Variants in SMCO2 observed in about 807,000 individuals in gnomAD.
The protein encoded by SMCO2 is single-pass membrane and coiled-coil domain-containing protein 2.
Under a neutral mutation model 29.5 loss-of-function variants are expected in SMCO2, and 25 were observed. That is an observed-to-expected ratio of 0.85 (90% CI 0.62 to 1.18). The LOEUF (loss-of-function observed/expected upper bound fraction) is 1.18. SMCO2 is among the 50% of genes most tolerant of loss of function. The pLI, the probability that SMCO2 is intolerant of heterozygous loss-of-function variation, is 0.00. For missense variants in SMCO2, 348 were observed against 344.5 expected (o/e 1.01, Z -0.08); for synonymous variants, 117 against 123.3 (o/e 0.95, Z 0.34).
intron 7 of SMCO2, chr12:27,497,867 CA>C: frequency 2.2e-5 from 7 of 318,118 alleles, no homozygotes; most frequent in South Asian, 3.9e-5. Context: ...TCTGCACTTC[CA>C]AAAAATATTT....
chr12:27,480,701 TC>T (rs927284930), intron 4 of SMCO2, among the ~76,000 whole-genome samples: 13 of 150,538 alleles, frequency 8.6e-5, no homozygotes, highest in African/African-American at 1.2e-4. Flanking sequence ...GTGGCACCTC[TC>T]CCCCCCCTCT....
At chr12:27,440,439 C>T in the SMCO2 span, among the ~76,000 whole-genome samples, 1 of 152,132 alleles carries the variant, frequency 6.6e-6, no homozygotes, top group Non-Finnish European at 1.5e-5. Flanking sequence ...AAATTAAATA[C>T]GCAGACAAAC....
chr12:27,478,555 A>G (rs897478203), intron 4 of SMCO2, among the ~76,000 whole-genome samples: 1 of 151,990 alleles, frequency 6.6e-6, no homozygotes, highest in African/African-American at 2.4e-5. Flanking sequence ...GATGGCAGTG[A>G]GCTGGGGGGG....
At chr12:27,423,630 A>C in the SMCO2 span, 1 of 151,868 alleles carries the variant, frequency 6.6e-6, no homozygotes, top group African/African-American at 2.4e-5. Flanking sequence ...CGCCCGGCCT[A>C]CTCTACACTT....
At chr12:27,468,687 A>G (rs913409560) in intron 1 of SMCO2, among the ~76,000 whole-genome samples, 1 of 152,228 alleles carries the variant, frequency 6.6e-6, no homozygotes, top group Admixed American at 6.5e-5. Context: ...GGTCTAGGTC[A>G]TCTTTGGAGG....
At chr12:27,468,268 T>C (rs1057221428) in intron 1 of SMCO2, among the ~76,000 whole-genome samples, 1 of 152,220 alleles carries the variant, frequency 6.6e-6, no homozygotes, top group Non-Finnish European at 1.5e-5. Context: ...GGTGATAGTC[T>C]AGAACAGGGG....
At chr12:27,479,349 G>A (rs559705) in intron 4 of SMCO2, among the ~76,000 whole-genome samples, 4,761 of 151,986 alleles carry the variant, frequency 0.031, 269 homozygotes, top group African/African-American at 0.11. Context: ...GGGTGGACCT[G>A]TCATCTGGCC....
At chr12:27,445,010 A>T in the SMCO2 span, among the ~76,000 whole-genome samples, 1,073 of 152,302 alleles carry the variant, frequency 7.0e-3, 13 homozygotes, top group African/African-American at 0.025. Flanking sequence ...ATTAAGCTAT[A>T]AAAAAAGAAT....
exon 4 of SMCO2, chr12:27,474,845 A>T: frequency 6.4e-7 from 1 of 1,551,660 alleles, no homozygotes; most frequent in South Asian, 1.2e-5. Context: ...ATAAGCAAGA[A>T]ACAGATGTTG....
At chr12:27,501,996 T>G in exon 8 of SMCO2, 1 of 1,548,330 alleles carries the variant, frequency 6.5e-7, no homozygotes, top group Non-Finnish European at 8.7e-7. Context: ...CATACTATTT[T>G]TTGGTGCTAC....
chr12:27,497,473 G>C (rs1390195985), intron 7 of SMCO2: 4 of 199,786 alleles, frequency 2.0e-5, no homozygotes, highest in African/African-American at 9.8e-5. Flanking sequence ...GGGTGTGGTA[G>C]CTCATGCCTA....
chr12:27,457,277 G>A, the SMCO2 span, among the ~76,000 whole-genome samples: 3 of 152,172 alleles, frequency 2.0e-5, no homozygotes, highest in Non-Finnish European at 2.9e-5. Flanking sequence ...GTGATTTAAC[G>A]TTCTGCTGTC....
intron 4 of SMCO2, 45 bp from the exon 6 acceptor site, chr12:27,488,415 G>A (rs758607397): frequency 7.5e-7 from 1 of 1,331,120 alleles, no homozygotes; most frequent in South Asian, 1.8e-5. Flanking sequence ...TCTCTTGGGT[G>A]ATTTTTCTTA....
chr12:27,442,308 A>T, the SMCO2 span, among the ~76,000 whole-genome samples: 234 of 152,248 alleles, frequency 1.5e-3, 1 homozygote, highest in African/African-American at 5.2e-3. Context: ...AGACTAATTT[A>T]AAAAAGAGCA....
In SMCO2 at chr12:27,474,706, G is replaced by A. The variant is rs1949569657; in HGVS notation, c.235-80G>A. ...CTATGTGCTTGACCCCAGCAAAGGG[G>A]GATTGGGTAGGGCTGGAAGAACCAC... On this transcript the variant is annotated intron_variant, in intron 3 of 7. Transcript: ENST00000298876. 3 of 1,503,124 alleles carry A rather than the reference G, an allele frequency of 2.0e-6. No individual in the cohort carries two copies. The African/African-American group carries it at 4.2e-5, about 21-fold the overall frequency. 93.1% of individuals were successfully genotyped at this position (1,503,124 alleles called of 1,614,324 possible). A position where few individuals can be genotyped will look rare whatever the true frequency, so the allele number is the denominator to read the frequency against.
the SMCO2 span, among the ~76,000 whole-genome samples, chr12:27,451,359 G>T: frequency 6.6e-6 from 1 of 152,070 alleles, no homozygotes; most frequent in Non-Finnish European, 1.5e-5. Flanking sequence ...ACTCCCCATT[G>T]GGGTTATAAC....
upstream of SMCO2, among the ~76,000 whole-genome samples, chr12:27,463,295 G>A (rs370758427): frequency 3.9e-5 from 6 of 152,146 alleles, no homozygotes; most frequent in East Asian, 3.9e-4. Flanking sequence ...ACAGAGTCTC[G>A]CTTGTGTTGC....
chr12:27,498,509 T>G (rs1205016133), intron 7 of SMCO2: 5 of 228,050 alleles, frequency 2.2e-5, no homozygotes. Flanking sequence ...GAACATGTGG[T>G]GTACGCTGCT....
chr12:27,462,431 A>G (rs1949465694), upstream of SMCO2, among the ~76,000 whole-genome samples: 1 of 152,366 alleles, frequency 6.6e-6, no homozygotes, highest in Non-Finnish European at 1.5e-5. Flanking sequence ...TCCCAGATGT[A>G]CAATGAATAA....
Sources: gnomAD v4.1 joint callset for allele counts (sites outside exome capture counted in the v4.1 genomes callset) on GRCh38, gnomAD v4.1.1 for gene constraint, MANE v1.5 for transcripts, NCBI Gene and HGNC (gene_info 2026-07-23, HGNC 2026-07-21) for gene names.